The following ZNF57 variants were observed in gnomAD, a reference collection of about 807,000 sequenced individuals.
ZNF57 encodes zinc finger protein 57.
A neutral mutation model predicts 13.4 loss-of-function variants in ZNF57; 11 were observed. The observed-to-expected ratio is 0.82, with a 90% CI of 0.52 to 1.36. The LOEUF is 1.36. Ranked by LOEUF, ZNF57 falls within the 40% of genes most tolerant of loss-of-function variation. The probability of loss-of-function intolerance (pLI) is 0.00; values close to 1 mark genes in which losing one functional copy is unlikely to be tolerated. For synonymous variants in ZNF57, 224 were observed against 238.5 expected (o/e 0.94, Z 0.56); for missense variants, 696 against 667.5 (o/e 1.04, Z -0.47).
chr19:2,912,103 C>G (rs975820246), intron 1 of ZNF57: 3 of 152,180 alleles, frequency 2.0e-5, no homozygotes, highest in African/African-American at 7.2e-5. Flanking sequence ...GGGCAGAGGG[C>G]AAGGATTCCC....
In ZNF57 at chr19:2,917,413, C is replaced by G; in HGVS notation, c.792C>G (p.Pro264=). The change falls in exon 4 of 4, where the codon CCC becomes CCG. Residue 264 remains proline, a synonymous_variant. Transcript: ENST00000306908. ...CQECGRAFIY[P]STFQRHMTTH... is the part of the protein sequence containing the mutation. ...AATGTGGGAGAGCCTTCATTTATCC[C>G]TCGACATTTCAAAGACACATGACAA... 6.2e-7 allele frequency: 1 copy of G among 1,614,182 alleles called. No individual in the cohort carries two copies. The highest frequency in any genetic ancestry group is 2.2e-5 in the East Asian group (1 of 44,892).
In ZNF57 at chr19:2,901,042, A is replaced by T. The variant is rs1003008763; in HGVS notation, c.-4A>T. 1 of 1,559,538 alleles carries T rather than the reference A, an allele frequency of 6.4e-7. No individual in the cohort carries two copies. Among genetic ancestry groups the T allele is most frequent in the Non-Finnish European group, 8.7e-7 (1 of 1,151,248 alleles). On this transcript the variant is annotated 5_prime_UTR_variant, in exon 1 of 4. Transcript: ENST00000306908. The stretch of plus-strand genomic sequence containing the variant: ...GCCTTGGAGAGCCCAGGAGCAGGGG[A>T]GACATGGTGAGTGCGAGGCAGGAGC...
intron 1 of ZNF57, among the ~76,000 whole-genome samples, chr19:2,911,406 G>A (rs982641461): frequency 2.6e-5 from 4 of 152,048 alleles, no homozygotes; most frequent in Non-Finnish European, 5.9e-5. Flanking sequence ...GATGGCGGGT[G>A]CCTGTAATCC....
intron 1 of ZNF57, among the ~76,000 whole-genome samples, chr19:2,906,424 C>A (rs759097822): frequency 2.0e-5 from 3 of 152,222 alleles, no homozygotes; most frequent in Non-Finnish European, 4.4e-5. Flanking sequence ...CCTGAAGGAG[C>A]TTTGGAACAC....
chr19:2,911,978 C>T (rs769417190), intron 1 of ZNF57, among the ~76,000 whole-genome samples: 5 of 152,196 alleles, frequency 3.3e-5, no homozygotes, highest in Non-Finnish European at 5.9e-5. Context: ...TCTCTTCAAG[C>T]TCTGTCTTTT....
chr19:2,917,412 C>A lies in ZNF57; in HGVS notation c.791C>A (p.Pro264His). 1 of 1,614,126 alleles carries A rather than the reference C, an allele frequency of 6.2e-7. No homozygotes were observed. The highest frequency in any genetic ancestry group is 8.5e-7 in the Non-Finnish European group (1 of 1,180,024). ...CQECGRAFIY[P>H]STFQRHMTTH... is the part of the protein sequence containing the mutation. ...GAATGTGGGAGAGCCTTCATTTATC[C>A]CTCGACATTTCAAAGACACATGACA... The change falls in exon 4 of 4, where the codon CCC becomes CAC. Residue 264 changes from proline to histidine, a missense_variant. Coordinates refer to ENST00000306908, the MANE Select transcript of ZNF57 (RefSeq NM_173480.3).
rs2088228897 is a variant in ZNF57, at chr19:2,917,978, T to C, written c.1357T>C (p.Cys453Arg). The part of the protein sequence containing the change: ...TQEQLHKCEH[C>R]GKAFTSSRAF... Reference sequence around the variant, plus strand: ...AGAGCAGCTCCATAAATGTGAACACTGTGGGAAGGCCTTTACCTCTTCCAG... The same window carrying C: ...AGAGCAGCTCCATAAATGTGAACACCGTGGGAAGGCCTTTACCTCTTCCAG... Residue 453 changes from cysteine (C) to arginine (R), a missense_variant, in exon 4 of 4, where the codon TGT (cysteine) becomes CGT (arginine). By Grantham distance (180) the Cys-to-Arg change is radical. Coordinates refer to ENST00000306908, the MANE Select transcript of ZNF57 (RefSeq NM_173480.3). 6 of 1,613,680 alleles carry C rather than the reference T, an allele frequency of 3.7e-6. No homozygotes were observed. Among genetic ancestry groups the C allele is most frequent in the South Asian group, 3.3e-5 (3 of 91,050 alleles).
At chr19:2,903,391 T>C (rs980611819) in intron 1 of ZNF57, among the ~76,000 whole-genome samples, 2 of 152,096 alleles carry the variant, frequency 1.3e-5, no homozygotes, top group African/African-American at 4.8e-5. Flanking sequence ...TTTATATTTT[T>C]AGTAGAGACG....
chr19:2,912,063 T>C (rs749296949), intron 1 of ZNF57: 14 of 152,206 alleles, frequency 9.2e-5, no homozygotes, highest in Admixed American at 1.3e-4. Context: ...CTGAAGTAAA[T>C]AGACCTTTAG....
chr19:2,910,767 TA>T (rs2088125470), intron 1 of ZNF57, among the ~76,000 whole-genome samples: 1 of 114,940 alleles, frequency 8.7e-6, no homozygotes, highest in Non-Finnish European at 1.9e-5. Context: ...GCCTAATTTT[TA>T]TATTTTTAGT....
chr19:2,901,776 C>G (rs2088032396), intron 1 of ZNF57, among the ~76,000 whole-genome samples: 1 of 152,162 alleles, frequency 6.6e-6, no homozygotes, highest in South Asian at 2.1e-4. Flanking sequence ...CTCGGCCTCC[C>G]AAAGTGCTGG....
chr19:2,916,937 G>A lies in ZNF57; in HGVS notation c.316G>A (p.Asp106Asn), dbSNP rs1694535594. 6.3e-7 allele frequency: 1 copy of A among 1,580,804 alleles called. No individual in the cohort carries two copies. The highest frequency in any genetic ancestry group is 1.4e-5 in the African/African-American group (1 of 73,522). Reference sequence around the variant, plus strand: ...CATTTTTAACAGAAATCATATGGTGGACAGATTCTGTACACATAATGAAGG... The same window carrying A: ...CATTTTTAACAGAAATCATATGGTGAACAGATTCTGTACACATAATGAAGG... ...HHKNLRNHMV[D>N]RFCTHNEGNQ... The change falls in exon 4 of 4, where the codon GAC becomes AAC. Residue 106 changes from aspartate to asparagine, a missense_variant. Physicochemically the swap from Asp to Asn is conservative, Grantham distance 23. Around this residue, in one of 3 missense-constraint regions of ZNF57, gnomAD observed 645 missense variants for 591.5 expected, o/e 1.09. Transcript: ENST00000306908.
Position 2,917,041 on chromosome 19 carries a change from T to G in ZNF57, c.420T>G (p.Tyr140Ter). ...HKKVSAGEKP[Y>*]ECTKCRTVFT... ...AAGTTTCTGCTGGAGAAAAACCATATGAATGCACCAAGTGCAGGACAGTCT... is the reference window on the plus strand; with the variant it reads ...AAGTTTCTGCTGGAGAAAAACCATAGGAATGCACCAAGTGCAGGACAGTCT... The change falls in exon 4 of 4, where the codon TAT becomes TAG. Residue 140 changes from tyrosine (Y) to a stop codon, truncating the protein, a stop_gained. Transcript: ENST00000306908. LOFTEE classifies it low-confidence loss of function (END_TRUNC). 1 of 1,614,166 alleles carries G rather than the reference T, an allele frequency of 6.2e-7. No homozygotes were observed. The highest frequency in any genetic ancestry group is 8.5e-7 in the Non-Finnish European group (1 of 1,180,024).
In ZNF57 at chr19:2,900,979, C is replaced by G; in HGVS notation, c.-67C>G. 1.3e-6 allele frequency: 2 copies of G among 1,548,338 alleles called. No homozygotes were observed. The highest frequency in any genetic ancestry group is 2.5e-5 in the East Asian group (1 of 40,550). On this transcript the variant is annotated 5_prime_UTR_variant, in exon 1 of 4. Transcript: ENST00000306908. ...CACGAGCGGCCCGGGAGTACCTGTA[C>G]CTTTCAGCTGCGCCGGCCGCGAGGC...
intron 1 of ZNF57, among the ~76,000 whole-genome samples, chr19:2,903,356 C>T (rs1283859757): frequency 1.3e-5 from 2 of 152,240 alleles, no homozygotes; most frequent in East Asian, 3.9e-4. Context: ...GGATTACAGG[C>T]ACTTGCCACC....
At chr19:2,901,516 T>A (rs2088029747) in intron 1 of ZNF57, among the ~76,000 whole-genome samples, 1 of 41,450 alleles carries the variant, frequency 2.4e-5, no homozygotes, top group Non-Finnish European at 7.9e-5. Context: ...TTATTGGTTT[T>A]ATTTTTTTAT....
intron 1 of ZNF57, among the ~76,000 whole-genome samples, chr19:2,905,409 C>CCCCCCCCCCCCCCCCCCCA (rs2088064830): frequency 1.5e-5 from 1 of 65,394 alleles, no homozygotes; most frequent in African/African-American, 5.1e-5. Flanking sequence ...AGGTGATCGC[C>CCCCCCCCCCCCCCCCCCCA]CCCCCCCCCT....
At position 2,917,014 on chromosome 19, in the gene ZNF57, G is replaced by C. The variant is rs770581434; in HGVS notation, c.393G>C (p.Lys131Asn). The C allele has an allele frequency of 2.5e-6, 4 of 1,614,148 alleles. No individual in the cohort carries two copies. The highest frequency in any genetic ancestry group is 3.4e-6 in the Non-Finnish European group (4 of 1,180,016). ...AAATGCCAGATCTTACCCTGCACAA[G>C]AAAGTTTCTGCTGGAGAAAAACCAT... ...IHQMPDLTLH[K>N]KVSAGEKPYE... Residue 131 changes from lysine (K) to asparagine (N), a missense_variant, in exon 4 of 4, where the codon AAG becomes AAC. Lys to Asn is a moderately conservative substitution (Grantham distance 94). Transcript: ENST00000306908.
Position 2,917,662 on chromosome 19 carries a change from T to C in ZNF57, c.1041T>C (p.Ser347=), listed in dbSNP as rs569466415. The change falls in exon 4 of 4, where the codon TCT becomes TCC. Residue 347 remains serine, a synonymous_variant. Transcript: ENST00000306908. ...AACACTGTGGGAAGGCTTTTACCTC[T>C]TCCAGATCATTCCAAGGTCATTTGA... ...KCEHCGKAFT[S]SRSFQGHLRT... 6.2e-7 allele frequency: 1 copy of C among 1,613,996 alleles called. No individual in the cohort carries two copies. The highest frequency in any genetic ancestry group is 2.2e-5 in the East Asian group (1 of 44,864).
Sources: gnomAD v4.1 joint callset for allele counts (sites outside exome capture counted in the v4.1 genomes callset) on GRCh38, gnomAD v4.1.1 for gene constraint, gnomAD v4.1.1 regional missense constraint, MANE v1.5 for transcripts, NCBI Gene and HGNC (gene_info 2026-07-23, HGNC 2026-07-21) for gene names.